Variants in NCALD observed in about 807,000 individuals in gnomAD.
NCALD encodes neurocalcin delta, also known as neurocalcin-delta.
NCALD carries 10 observed loss-of-function variants against 18.6 expected under a neutral mutation model. That is an observed-to-expected ratio of 0.54 (90% CI 0.33 to 0.91). NCALD has a LOEUF of 0.91. Among genes scored for constraint, NCALD ranks in the 40% least tolerant of loss-of-function variants. The probability of loss-of-function intolerance (pLI) is 0.03; values close to 1 mark genes in which losing one functional copy is unlikely to be tolerated. For missense variants in NCALD, 184 were observed against 247.6 expected (o/e 0.74, Z 1.72); for synonymous variants, 88 against 87.4 (o/e 1.01, Z -0.04).
At chr8:101,819,787 G>A (rs1012288273) in intron 4 of NCALD, among the ~76,000 whole-genome samples, 2 of 152,106 alleles carry the variant, frequency 1.3e-5, no homozygotes, top group South Asian at 2.1e-4. Flanking sequence ...CAGCAGCAGC[G>A]GCGGTGGTAC....
intron 1 of NCALD, among the ~76,000 whole-genome samples, chr8:102,080,267 A>G (rs1824482745): frequency 6.6e-6 from 1 of 152,208 alleles, no homozygotes; most frequent in Non-Finnish European, 1.5e-5. Context: ...GCCTTTATTT[A>G]AACCACCTCC....
intron 2 of NCALD, among the ~76,000 whole-genome samples, chr8:101,978,824 C>A (rs114087857): frequency 1.3e-5 from 2 of 151,998 alleles, no homozygotes; most frequent in African/African-American, 4.8e-5. Flanking sequence ...AAGCAAGAAA[C>A]GAAGAAAGGA....
intron 1 of NCALD, chr8:102,123,930 C>G (rs1332717648): frequency 6.5e-6 from 1 of 153,028 alleles, no homozygotes; most frequent in Non-Finnish European, 1.5e-5. Context: ...CCACGCGCCT[C>G]TGCGCGGCCC....
At chr8:101,692,397 G>C in intron 3 of NCALD, 1 of 985,276 alleles carries the variant, frequency 1.0e-6, no homozygotes, top group Non-Finnish European at 1.2e-6. Flanking sequence ...TCGGCATCTG[G>C]GTAGGATCAC....
chr8:102,101,365 T>C (rs945037720), intron 1 of NCALD, among the ~76,000 whole-genome samples: 2 of 152,244 alleles, frequency 1.3e-5, no homozygotes, highest in Admixed American at 6.5e-5. Flanking sequence ...TTTAAAACAC[T>C]GCAAGTCAAA....
upstream of NCALD, chr8:102,124,504 CCT>C (rs199715609): frequency 0.043 from 3,912 of 91,070 alleles, 449 homozygotes; most frequent in Non-Finnish European, 0.067. Context: ...ACGCCCCCCC[CCT>C]CCCCCGCTTG....
At chr8:101,970,479 T>G (rs180837800) in intron 2 of NCALD, among the ~76,000 whole-genome samples, 2 of 152,260 alleles carry the variant, frequency 1.3e-5, no homozygotes, top group African/African-American at 4.8e-5. Flanking sequence ...TTGTAGAATT[T>G]TTGTGGCCCC....
intron 1 of NCALD, among the ~76,000 whole-genome samples, chr8:101,725,621 G>T (rs1203607597): frequency 2.0e-5 from 3 of 152,158 alleles, no homozygotes; most frequent in South Asian, 4.1e-4. Flanking sequence ...AGCATTAATT[G>T]TAACACACCA....
intron 1 of NCALD, among the ~76,000 whole-genome samples, chr8:102,083,075 A>G (rs1824605272): frequency 6.6e-6 from 1 of 152,246 alleles, no homozygotes; most frequent in South Asian, 2.1e-4. Flanking sequence ...TTCAGTAGAT[A>G]AGGAATGAGA....
chr8:101,783,614 GA>G (rs1362897278), intron 1 of NCALD, among the ~76,000 whole-genome samples: 1 of 152,188 alleles, frequency 6.6e-6, no homozygotes, highest in Non-Finnish European at 1.5e-5. Context: ...GGGAGAGGGA[GA>G]CAAAGTGGAC....
chr8:101,927,242 G>C (rs1285118723), intron 2 of NCALD, among the ~76,000 whole-genome samples: 3 of 152,176 alleles, frequency 2.0e-5, no homozygotes, highest in Non-Finnish European at 2.9e-5. Context: ...CTCAGGGCCT[G>C]AATGTGTCAG....
At position 101,997,371 on chromosome 8, in the gene NCALD, C is replaced by T. The variant is rs73697411; in HGVS notation, c.-157+22866G>A. 8.1e-3 allele frequency among the ~76,000 whole-genome samples: 1,236 copies of T among 152,104 alleles called. 12 individuals carry two copies. Among genetic ancestry groups the T allele is most frequent in the African/African-American group, 0.027 (1,117 of 41,482 alleles). On this transcript the variant is annotated intron_variant, in intron 2 of 6. Coordinates refer to the NCALD transcript ENST00000311028. ...ATAAATAATATTTTTAAAGAGCATG[C>T]TTTTATTTTTTTTTTCCTGGAACCT...
At chr8:102,109,298 AG>A (rs887706276) in intron 1 of NCALD, among the ~76,000 whole-genome samples, 8 of 143,236 alleles carry the variant, frequency 5.6e-5, no homozygotes, top group Non-Finnish European at 1.1e-4. Context: ...TGGAAATGAA[AG>A]GTTTTTTTTT....
intron 1 of NCALD, among the ~76,000 whole-genome samples, chr8:101,752,529 G>A (rs183202584): frequency 4.1e-4 from 62 of 152,158 alleles, no homozygotes; most frequent in Admixed American, 7.9e-4. Context: ...AGATGAGTTG[G>A]AACACACAAA....
At chr8:102,087,140 C>T (rs1054901801) in intron 1 of NCALD, among the ~76,000 whole-genome samples, 16 of 152,196 alleles carry the variant, frequency 1.1e-4, no homozygotes, top group African/African-American at 3.9e-4. Flanking sequence ...AACTTGCTTT[C>T]ATTTTACTCT....
At chr8:101,760,053 G>A (rs946436297) in intron 1 of NCALD, among the ~76,000 whole-genome samples, 6 of 152,182 alleles carry the variant, frequency 3.9e-5, no homozygotes, top group Admixed American at 6.5e-5. Flanking sequence ...CCAAGGTTAT[G>A]GCTCCAGTCC....
chr8:101,699,610 A>T (rs1815163557), intron 2 of NCALD, among the ~76,000 whole-genome samples: 1 of 152,244 alleles, frequency 6.6e-6, no homozygotes, highest in Non-Finnish European at 1.5e-5. Context: ...TGTCCTTTGC[A>T]GGGACATGGA....
chr8:102,002,364 C>A (rs1287896798), intron 2 of NCALD, among the ~76,000 whole-genome samples: 1 of 152,144 alleles, frequency 6.6e-6, no homozygotes, highest in Non-Finnish European at 1.5e-5. Context: ...CAGGAGCACC[C>A]AGATTCATAA....
At chr8:101,932,388 C>T (rs974152105) in intron 2 of NCALD, among the ~76,000 whole-genome samples, 1 of 152,130 alleles carries the variant, frequency 6.6e-6, no homozygotes, top group Non-Finnish European at 1.5e-5. Flanking sequence ...TTCGCCTACC[C>T]AAATTCATTA....
Sources: gnomAD v4.1 joint callset for allele counts (sites outside exome capture counted in the v4.1 genomes callset) on GRCh38, gnomAD v4.1.1 for gene constraint, MANE v1.5 for transcripts, NCBI Gene and HGNC (gene_info 2026-07-23, HGNC 2026-07-21) for gene names.